FAT3: variants seen among roughly 807,000 people sequenced by gnomAD.
The protein encoded by FAT3 is FAT atypical cadherin 3, also known as protocadherin Fat 3.
FAT3 carries 95 observed loss-of-function variants against 310.2 expected under a neutral mutation model. The observed-to-expected ratio is 0.31, with a 90% CI of 0.26 to 0.36. The LOEUF is 0.36. Ranked by LOEUF, FAT3 falls within the 10% of genes least tolerant of loss-of-function variation. The pLI is 1.00. For synonymous variants in FAT3, 2,314 were observed against 2,192.9 expected, an observed-to-expected ratio of 1.06 and a Z score of -1.54; for missense variants, 5,408 against 5,715.6, an observed-to-expected ratio of 0.95 and a Z score of 1.74.
At chr11:92,847,715 C>A (rs968209441) in intron 19 of FAT3, among the ~76,000 whole-genome samples, 9 of 152,276 alleles carry the variant, frequency 5.9e-5, no homozygotes, top group African/African-American at 2.2e-4. Context: ...AGAAATCACA[C>A]AGCAAGATAA....
chr11:92,491,784 T>A (rs1376604248), intron 2 of FAT3, among the ~76,000 whole-genome samples: 1 of 152,096 alleles, frequency 6.6e-6, no homozygotes, highest in African/African-American at 2.4e-5. Flanking sequence ...CACCAGTTCT[T>A]AAGAGAGTCA....
At chr11:92,374,558 C>T (rs1385099303) in intron 2 of FAT3, among the ~76,000 whole-genome samples, 2 of 152,164 alleles carry the variant, frequency 1.3e-5, no homozygotes, top group East Asian at 3.9e-4. Flanking sequence ...CTGATAACTA[C>T]TCTTTGTGAT....
At chr11:92,443,205 T>A (rs540060169) in intron 2 of FAT3, among the ~76,000 whole-genome samples, 1 of 152,146 alleles carries the variant, frequency 6.6e-6, no homozygotes, top group Non-Finnish European at 1.5e-5. Flanking sequence ...AGAAAACCAG[T>A]CTTTTGAGGG....
intron 3 of FAT3, among the ~76,000 whole-genome samples, chr11:92,626,422 A>G (rs1025660973): frequency 2.0e-5 from 3 of 151,746 alleles, no homozygotes; most frequent in Non-Finnish European, 4.4e-5. Flanking sequence ...CAGAAAGACT[A>G]TTTTTTTAGA....
At chr11:92,525,448 A>G (rs556848267) in intron 3 of FAT3, among the ~76,000 whole-genome samples, 11 of 152,354 alleles carry the variant, frequency 7.2e-5, no homozygotes, top group African/African-American at 2.6e-4. Context: ...ATTTTTACAT[A>G]AAATATGTAT....
Position 92,893,184 on chromosome 11 carries a change from CA to C in FAT3, c.*2074del, listed in dbSNP as rs2136457234. ...AAAAAAAAAAATCCTTTTTCATTCCCAAACTTTCTAAGTAAGTGGATACACT... is the reference window on the plus strand; with the variant it reads ...AAAAAAAAAAATCCTTTTTCATTCCCAACTTTCTAAGTAAGTGGATACACT... On this transcript the variant is annotated 3_prime_UTR_variant, in exon 28 of 28. Transcript: ENST00000525166. 6.6e-6 allele frequency: 1 copy of C among 151,196 alleles called. No homozygotes were observed. Among genetic ancestry groups the C allele is most frequent in the Admixed American group, 6.6e-5 (1 of 15,142 alleles). The allele number at this position is 151,196 out of a possible 1,614,324, so 9.4% of individuals were successfully genotyped here.
intron 19 of FAT3, among the ~76,000 whole-genome samples, chr11:92,855,447 T>G (rs1948948123): frequency 6.6e-6 from 1 of 152,222 alleles, no homozygotes; most frequent in South Asian, 2.1e-4. Flanking sequence ...TGTTTTCATG[T>G]TGTTTCTTGA....
At chr11:92,349,077 A>T (rs1565244703) in intron 1 of FAT3, among the ~76,000 whole-genome samples, 1 of 152,110 alleles carries the variant, frequency 6.6e-6, no homozygotes. Context: ...TCATGGGGGA[A>T]GTTTTCCTCT....
intron 3 of FAT3, among the ~76,000 whole-genome samples, chr11:92,665,320 C>T (rs1030671411): frequency 1.3e-5 from 2 of 152,148 alleles, no homozygotes; most frequent in Middle Eastern, 3.4e-3. Flanking sequence ...ATGATGTTGT[C>T]AAGTACAGAA....
chr11:92,818,667 G>A (rs1947885127), intron 13 of FAT3, among the ~76,000 whole-genome samples: 1 of 152,188 alleles, frequency 6.6e-6, no homozygotes, highest in African/African-American at 2.4e-5. Flanking sequence ...GTGACCTGGG[G>A]CAAGTCTTCA....
chr11:92,343,538 G>T (rs1336466105), intron 1 of FAT3, among the ~76,000 whole-genome samples: 1 of 152,080 alleles, frequency 6.6e-6, no homozygotes, highest in Non-Finnish European at 1.5e-5. Context: ...AGTAAAACTA[G>T]ATAAGAAAAA....
intron 2 of FAT3, among the ~76,000 whole-genome samples, chr11:92,385,601 G>C (rs493953): frequency 0.37 from 55,454 of 151,716 alleles, 14,469 homozygotes; most frequent in African/African-American, 0.74. Flanking sequence ...CTCCTGGCCT[G>C]AGGTGATCCA....
chr11:92,743,962 A>G (rs1424316685), intron 4 of FAT3, among the ~76,000 whole-genome samples: 1 of 152,126 alleles, frequency 6.6e-6, no homozygotes, highest in African/African-American at 2.4e-5. Context: ...GCATCCCTCA[A>G]CCTTGGACTT....
At chr11:92,642,817 C>G (rs1942011263) in intron 3 of FAT3, among the ~76,000 whole-genome samples, 1 of 152,196 alleles carries the variant, frequency 6.6e-6, no homozygotes, top group African/African-American at 2.4e-5. Context: ...GGGGCATTCC[C>G]ATGATGGGAA....
At chr11:92,658,921 T>TCA (rs1168243284) in intron 3 of FAT3, among the ~76,000 whole-genome samples, 23 of 136,508 alleles carry the variant, frequency 1.7e-4, no homozygotes, top group Admixed American at 1.3e-3. Context: ...ATCATCGTCA[T>TCA]TATCATCATC....
At chr11:92,280,543 A>C (rs910996291) in intron 1 of FAT3, among the ~76,000 whole-genome samples, 3 of 152,200 alleles carry the variant, frequency 2.0e-5, no homozygotes, top group African/African-American at 7.2e-5. Context: ...AGCCCTCAAA[A>C]ATATCTTTTC....
At chr11:92,654,403 A>G (rs1487373271) in intron 3 of FAT3, among the ~76,000 whole-genome samples, 1 of 152,198 alleles carries the variant, frequency 6.6e-6, no homozygotes, top group African/African-American at 2.4e-5. Flanking sequence ...TAAGAGGAAT[A>G]TAACAGAATT....
Position 92,878,479 on chromosome 11 carries a change from A to G in FAT3, c.12128-2252A>G, listed in dbSNP as rs1421827890. Among the ~76,000 whole-genome samples the G allele has an allele frequency of 2.0e-5, 3 of 152,010 alleles. No homozygotes were observed. In the East Asian group the frequency reaches 5.8e-4, roughly 29 times the overall value. On this transcript the variant is annotated intron_variant, in intron 22 of 27. Transcript: ENST00000525166. Reference sequence around the variant, plus strand: ...ACCAATAGGCTACCCAAGTTGACACATAAGGTTAAATATCACAGAGACCAA... The same window carrying G: ...ACCAATAGGCTACCCAAGTTGACACGTAAGGTTAAATATCACAGAGACCAA...
At chr11:92,710,335 G>T (rs1037120753) in intron 4 of FAT3, among the ~76,000 whole-genome samples, 2 of 152,146 alleles carry the variant, frequency 1.3e-5, no homozygotes, top group Non-Finnish European at 2.9e-5. Context: ...AAATGACTGA[G>T]ATTTTCTCTT....
Sources: gnomAD v4.1 joint callset for allele counts (sites outside exome capture counted in the v4.1 genomes callset) on GRCh38, gnomAD v4.1.1 for gene constraint, MANE v1.5 for transcripts, NCBI Gene and HGNC (gene_info 2026-07-23, HGNC 2026-07-21) for gene names.